The following PKP4 variants were observed in gnomAD, a reference collection of about 807,000 sequenced individuals.
PKP4 encodes plakophilin-4.
A neutral mutation model predicts 145.1 loss-of-function variants in PKP4; 90 were observed. The ratio of observed to expected loss-of-function variants is 0.62; its 90% CI spans 0.52 to 0.74. The LOEUF (loss-of-function observed/expected upper bound fraction) is 0.74. Ranked by LOEUF, PKP4 falls within the 30% of genes least tolerant of loss-of-function variation. The pLI, the probability that PKP4 is intolerant of heterozygous loss-of-function variation, is 0.00. For missense variants in PKP4, 1,340 were observed against 1,482.7 expected, an observed-to-expected ratio of 0.90 and a Z score of 1.58; for synonymous variants, 563 against 577.2, an observed-to-expected ratio of 0.98 and a Z score of 0.35.
intron 3 of PKP4, 121 bp from the exon 4 acceptor site, chr2:158,602,949 G>T: frequency 6.0e-6 from 3 of 497,964 alleles, no homozygotes; most frequent in Non-Finnish European, 1.1e-5. Context: ...TTTTATTTAA[G>T]GTTTTTGTGC....
intron 2 of PKP4, among the ~76,000 whole-genome samples, chr2:158,573,465 TTAAAA>T (rs1354831078): frequency 1.3e-5 from 2 of 152,156 alleles, no homozygotes; most frequent in African/African-American, 4.8e-5. Flanking sequence ...TTATTGTATT[TTAAAA>T]TAAAATTGTA....
chr2:158,528,995 G>A (rs1260416583), intron 1 of PKP4, among the ~76,000 whole-genome samples: 1 of 152,170 alleles, frequency 6.6e-6, no homozygotes, highest in Non-Finnish European at 1.5e-5. Context: ...TTGGCCTCAA[G>A]ATTTAGAGTT....
chr2:158,625,372 G>A lies in PKP4; in HGVS notation c.1098G>A (p.Gln366=), dbSNP rs760455801. 7.4e-6 allele frequency: 12 copies of A among 1,614,184 alleles called. No individual in the cohort carries two copies. The highest frequency in any genetic ancestry group is 9.3e-6 in the Non-Finnish European group (11 of 1,180,018). The part of the protein sequence containing the change: ...RTVHDMEQFG[Q]QQYDIYERMV... ...TTCATGACATGGAGCAATTCGGACA[G>A]CAGCAGTATGACATTTATGAGAGGA... The change falls in exon 7 of 22, where the codon CAG becomes CAA. Residue 366 remains glutamine, a synonymous_variant. Coordinates refer to ENST00000389759, the MANE Select transcript of PKP4 (RefSeq NM_003628.6).
At chr2:158,621,466 C>A (rs1384676128) in intron 6 of PKP4, 45 bp downstream of exon 6, 1 of 1,532,126 alleles carries the variant, frequency 6.5e-7, no homozygotes. Flanking sequence ...TACCTTCCGG[C>A]CGGGCACAGT....
intron 1 of PKP4, among the ~76,000 whole-genome samples, chr2:158,492,898 G>A (rs1036187983): frequency 6.6e-6 from 1 of 152,090 alleles, no homozygotes; most frequent in Non-Finnish European, 1.5e-5. Context: ...AGGGGATTAT[G>A]CTTCATAGGC....
chr2:158,522,774 G>A (rs533187166), intron 1 of PKP4, among the ~76,000 whole-genome samples: 2 of 152,208 alleles, frequency 1.3e-5, no homozygotes, highest in African/African-American at 2.4e-5. Context: ...GTGGGTGTGC[G>A]CACCGTGCGC....
intron 1 of PKP4, among the ~76,000 whole-genome samples, chr2:158,529,019 A>C (rs141290848): frequency 6.6e-6 from 1 of 152,196 alleles, no homozygotes; most frequent in Admixed American, 6.5e-5. Flanking sequence ...TGTCTCTGCC[A>C]CACACAGTGC....
intron 1 of PKP4, among the ~76,000 whole-genome samples, chr2:158,519,384 C>T (rs1360658706): frequency 6.6e-6 from 1 of 152,110 alleles, no homozygotes; most frequent in Non-Finnish European, 1.5e-5. Context: ...AATTTGGTCC[C>T]CCCTGGGTGT....
chr2:158,619,078 T>G (rs1434556879), intron 4 of PKP4, among the ~76,000 whole-genome samples: 4 of 152,252 alleles, frequency 2.6e-5, no homozygotes, highest in African/African-American at 9.6e-5. Flanking sequence ...AAAGGTTGAC[T>G]GCTGCATAGC....
intron 1 of PKP4, chr2:158,457,958 C>T (rs1689105129): frequency 6.6e-6 from 1 of 152,452 alleles, no homozygotes; most frequent in African/African-American, 2.4e-5. Context: ...CCTGGCGGAT[C>T]TGGTATCCCC....
intron 2 of PKP4, among the ~76,000 whole-genome samples, chr2:158,566,953 A>G (rs1328638842): frequency 6.6e-6 from 1 of 152,188 alleles, no homozygotes; most frequent in Non-Finnish European, 1.5e-5. Flanking sequence ...AGTCTGTTCA[A>G]TGAGTTTTCA....
chr2:158,667,170 G>A (rs545683018), intron 16 of PKP4, among the ~76,000 whole-genome samples: 3 of 152,272 alleles, frequency 2.0e-5, no homozygotes, highest in South Asian at 4.1e-4. Context: ...ACCTCTGTAC[G>A]CTCCGCACCC....
chr2:158,595,438 A>G (rs112782448), intron 3 of PKP4, among the ~76,000 whole-genome samples: 1,613 of 152,306 alleles, frequency 0.011, 29 homozygotes, highest in African/African-American at 0.035. Flanking sequence ...CATAGGAATT[A>G]TATTCAAAAA....
intron 9 of PKP4, among the ~76,000 whole-genome samples, chr2:158,637,749 T>A (rs1237506484): frequency 6.6e-6 from 1 of 152,254 alleles, no homozygotes; most frequent in Non-Finnish European, 1.5e-5. Flanking sequence ...TAATTGTTTA[T>A]GGTGGGAGGG....
At chr2:158,602,576 T>C (rs2050316302) in intron 3 of PKP4, among the ~76,000 whole-genome samples, 1 of 152,238 alleles carries the variant, frequency 6.6e-6, no homozygotes, top group African/African-American at 2.4e-5. Flanking sequence ...TCCTGGCTTA[T>C]AGGACCTTAT....
intron 4 of PKP4, among the ~76,000 whole-genome samples, chr2:158,604,861 A>G (rs1173826470): frequency 6.6e-6 from 1 of 152,224 alleles, no homozygotes; most frequent in Non-Finnish European, 1.5e-5. Flanking sequence ...TGGTTCAGAC[A>G]TGTGGGCCAG....
rs745357878 is a variant in PKP4 at position 158,621,116 on chromosome 2, G to C, written c.407G>C (p.Ser136Thr). 4 of 1,614,170 alleles carry C rather than the reference G, an allele frequency of 2.5e-6. No individual in the cohort carries two copies. The highest frequency in any genetic ancestry group is 3.4e-6 in the Non-Finnish European group (4 of 1,180,002). ...YSPEQTSLHE[S>T]EGSLGNSRSS... ...CCAGAACAGACATCTCTCCATGAAA[G>C]TGAGGGTCTGTTGTGTTATCTTTTA... Residue 136 changes from serine (S) to threonine (T), a missense_variant, in exon 5 of 22, where the codon AGT becomes ACT. Ser to Thr is a moderately conservative substitution (Grantham distance 58). Transcript: ENST00000389759.
At chr2:158,560,195 G>A (rs2046400427) in intron 2 of PKP4, among the ~76,000 whole-genome samples, 1 of 152,090 alleles carries the variant, frequency 6.6e-6, no homozygotes. Context: ...TCTGCAGGCT[G>A]GCTATATAAA....
chr2:158,525,861 C>T (rs1359963561), intron 1 of PKP4, among the ~76,000 whole-genome samples: 15 of 148,904 alleles, frequency 1.0e-4, no homozygotes, highest in Non-Finnish European at 1.6e-4. Context: ...AACACCTCTA[C>T]GCAAATAAAC....
Sources: gnomAD v4.1 joint callset for allele counts (sites outside exome capture counted in the v4.1 genomes callset) on GRCh38, gnomAD v4.1.1 for gene constraint, MANE v1.5 for transcripts, NCBI Gene and HGNC (gene_info 2026-07-23, HGNC 2026-07-21) for gene names.